Variants in NKAIN2 observed in about 807,000 individuals in gnomAD.
NKAIN2 encodes the protein sodium/potassium transporting ATPase interacting 2, also known as sodium/potassium-transporting ATPase subunit beta-1-interacting protein 2.
A neutral mutation model predicts 32.6 loss-of-function variants in NKAIN2; 14 were observed. The ratio of observed to expected loss-of-function variants is 0.43; its 90% CI spans 0.28 to 0.67. The LOEUF (loss-of-function observed/expected upper bound fraction) is 0.67, where lower values mean the gene tolerates loss of function less well. Among genes scored for constraint, NKAIN2 ranks in the 30% least tolerant of loss-of-function variants. The pLI, the probability that NKAIN2 is intolerant of heterozygous loss-of-function variation, is 0.17. For synonymous variants in NKAIN2, 80 were observed against 87.2 expected (o/e 0.92, Z 0.46); for missense variants, 198 against 258.3 (o/e 0.77, Z 1.60).
intron 1 of NKAIN2, among the ~76,000 whole-genome samples, chr6:123,812,493 C>T (rs902942788): frequency 2.0e-5 from 3 of 152,104 alleles, no homozygotes; most frequent in African/African-American, 4.8e-5. Context: ...AATTATGTTT[C>T]GGACACTAAA....
chr6:124,306,211 G>A (rs1796499948), intron 2 of NKAIN2, among the ~76,000 whole-genome samples: 1 of 152,116 alleles, frequency 6.6e-6, no homozygotes, highest in Non-Finnish European at 1.5e-5. Context: ...AGAAATTTAG[G>A]AAGGAGGACC....
intron 1 of NKAIN2, among the ~76,000 whole-genome samples, chr6:124,280,012 A>C (rs986253313): frequency 6.6e-6 from 1 of 152,186 alleles, no homozygotes; most frequent in African/African-American, 2.4e-5. Context: ...AGCCAAACAC[A>C]AGGAACCAAA....
In NKAIN2 at chr6:123,976,256, T is replaced by TATATATATGTTTCCATATATATGTTTCC. The variant is rs1156868911; in HGVS notation, c.54+172039_54+172066dup. On this transcript the variant is annotated intron_variant, in intron 1 of 6. Transcript: ENST00000368417. ...CCAGACAATAGCAAGAACATATATA[T>TATATATATGTTTCCATATATATGTTTCC]ATATATATGTTTCCATATATATGTT... Among the ~76,000 whole-genome samples the TATATATATGTTTCCATATATATGTTTCC allele has an allele frequency of 1.8e-4, 22 of 120,804 alleles. 1 individual carries two copies. The highest frequency in any genetic ancestry group is 4.6e-4 in the African/African-American group (16 of 34,800). 79.3% of individuals were successfully genotyped at this position (120,804 alleles called of 152,430 possible).
At chr6:123,876,493 G>A (rs781649577) in intron 1 of NKAIN2, among the ~76,000 whole-genome samples, 1 of 152,078 alleles carries the variant, frequency 6.6e-6, no homozygotes, top group Non-Finnish European at 1.5e-5. Flanking sequence ...ATTTGCTCAC[G>A]TGTTTATGGC....
At chr6:124,705,932 T>C (rs1775038255) in intron 4 of NKAIN2, among the ~76,000 whole-genome samples, 1 of 152,076 alleles carries the variant, frequency 6.6e-6, no homozygotes, top group Non-Finnish European at 1.5e-5. Flanking sequence ...CTTCACCAAA[T>C]TGAGGGACCC....
intron 1 of NKAIN2, among the ~76,000 whole-genome samples, chr6:123,837,668 CTA>C (rs1774687551): frequency 1.3e-5 from 2 of 152,080 alleles, no homozygotes; most frequent in African/African-American, 2.4e-5. Context: ...TTTCCTTGGC[CTA>C]TCTTACCACT....
intron 3 of NKAIN2, among the ~76,000 whole-genome samples, chr6:124,429,736 T>C (rs1775132131): frequency 1.3e-5 from 2 of 152,280 alleles, no homozygotes; most frequent in South Asian, 2.1e-4. Flanking sequence ...ATTGTGTTGG[T>C]GCTGGCACTG....
At chr6:124,401,544 C>A (rs960637699) in intron 3 of NKAIN2, among the ~76,000 whole-genome samples, 1 of 152,138 alleles carries the variant, frequency 6.6e-6, no homozygotes. Flanking sequence ...TGACACTTCA[C>A]GGAAAAAGTT....
intron 3 of NKAIN2, among the ~76,000 whole-genome samples, chr6:124,550,147 C>T (rs1236100762): frequency 6.6e-6 from 1 of 152,176 alleles, no homozygotes; most frequent in Non-Finnish European, 1.5e-5. Flanking sequence ...GATATCATTT[C>T]TCTCCTGTTT....
At chr6:124,816,419 T>C (rs779800565) in intron 5 of NKAIN2, among the ~76,000 whole-genome samples, 3 of 152,068 alleles carry the variant, frequency 2.0e-5, no homozygotes, top group Non-Finnish European at 4.4e-5. Context: ...TAATGTAAAC[T>C]ATGGACTTTG....
chr6:124,129,153 C>T (rs1477841222), intron 1 of NKAIN2, among the ~76,000 whole-genome samples: 7 of 152,070 alleles, frequency 4.6e-5, no homozygotes, highest in Admixed American at 4.6e-4. Context: ...CACTGAAAGA[C>T]ATAACTTTTC....
chr6:124,671,297 AG>A (rs1324687360), intron 4 of NKAIN2, among the ~76,000 whole-genome samples: 1 of 152,082 alleles, frequency 6.6e-6, no homozygotes, highest in Non-Finnish European at 1.5e-5. Context: ...TCTATTATTG[AG>A]GTTATAACGT....
intron 1 of NKAIN2, among the ~76,000 whole-genome samples, chr6:123,817,462 T>G (rs1773741009): frequency 6.6e-6 from 1 of 152,140 alleles, no homozygotes; most frequent in Admixed American, 6.5e-5. Flanking sequence ...CAGGACACTT[T>G]CTTCAGAAAG....
intron 1 of NKAIN2, among the ~76,000 whole-genome samples, chr6:124,000,482 C>T (rs1457235707): frequency 1.3e-5 from 2 of 151,946 alleles, no homozygotes; most frequent in Non-Finnish European, 2.9e-5. Flanking sequence ...AACCAATATA[C>T]TTCATTAATA....
chr6:124,285,859 C>G (rs910970246), intron 2 of NKAIN2, among the ~76,000 whole-genome samples: 2 of 151,936 alleles, frequency 1.3e-5, no homozygotes, highest in Non-Finnish European at 2.9e-5. Context: ...TGTATTCTTG[C>G]AATAGTGCAA....
chr6:124,084,235 T>C (rs1173153886), intron 1 of NKAIN2, among the ~76,000 whole-genome samples: 2 of 152,008 alleles, frequency 1.3e-5, no homozygotes, highest in Non-Finnish European at 2.9e-5. Flanking sequence ...TATTCTCATG[T>C]ATTGCCATCT....
chr6:124,240,417 T>A (rs2114769141), intron 1 of NKAIN2, among the ~76,000 whole-genome samples: 1 of 152,050 alleles, frequency 6.6e-6, no homozygotes, highest in African/African-American at 2.4e-5. Flanking sequence ...TATCCTGATA[T>A]CAAAACCCGG....
At chr6:123,855,028 G>T (rs929478405) in intron 1 of NKAIN2, among the ~76,000 whole-genome samples, 1 of 152,170 alleles carries the variant, frequency 6.6e-6, no homozygotes, top group African/African-American at 2.4e-5. Flanking sequence ...ATATTCTAAT[G>T]TCAAAGTCAG....
intron 3 of NKAIN2, among the ~76,000 whole-genome samples, chr6:124,610,562 ACT>A (rs1394643837): frequency 6.6e-6 from 1 of 151,982 alleles, no homozygotes; most frequent in African/African-American, 2.4e-5. Context: ...GTAAAGCCTG[ACT>A]CTCTCAATTT....
Sources: gnomAD v4.1 joint callset for allele counts (sites outside exome capture counted in the v4.1 genomes callset) on GRCh38, gnomAD v4.1.1 for gene constraint, MANE v1.5 for transcripts, NCBI Gene and HGNC (gene_info 2026-07-23, HGNC 2026-07-21) for gene names.